The following PLD5 variants were observed in gnomAD, a reference collection of about 807,000 sequenced individuals.
The protein encoded by PLD5 is phospholipase D family member 5, also known as inactive phospholipase D5.
A neutral mutation model predicts 61.1 loss-of-function variants in PLD5; 36 were observed. The ratio of observed to expected loss-of-function variants is 0.59; its 90% CI spans 0.45 to 0.78. The LOEUF is 0.78. Among genes scored for constraint, PLD5 ranks in the 30% least tolerant of loss-of-function variants. PLD5 has a pLI of 0.00. For missense variants in PLD5, 515 were observed against 644.4 expected, an observed-to-expected ratio of 0.80 and a Z score of 2.17; for synonymous variants, 243 against 242.8, an observed-to-expected ratio of 1.00 and a Z score of -0.01.
intron 4 of PLD5, among the ~76,000 whole-genome samples, chr1:242,237,549 G>T (rs1671720181): frequency 6.6e-6 from 1 of 152,192 alleles, no homozygotes; most frequent in South Asian, 2.1e-4. Flanking sequence ...TTTTCAACTG[G>T]TGCATGGTGG....
At chr1:242,336,896 G>T (rs769513947) in intron 2 of PLD5, among the ~76,000 whole-genome samples, 7 of 152,144 alleles carry the variant, frequency 4.6e-5, no homozygotes, top group Non-Finnish European at 1.0e-4. Context: ...TGACCTATAC[G>T]TTTCTCTGTT....
At chr1:242,277,440 C>T (rs1230986554) in intron 3 of PLD5, among the ~76,000 whole-genome samples, 1 of 116,752 alleles carries the variant, frequency 8.6e-6, no homozygotes, top group African/African-American at 3.0e-5. Flanking sequence ...CCTATCCTTA[C>T]ATTTTGAGAA....
At chr1:242,108,921 C>G (rs1661272393) in intron 7 of PLD5, among the ~76,000 whole-genome samples, 1 of 152,188 alleles carries the variant, frequency 6.6e-6, no homozygotes, top group African/African-American at 2.4e-5. Context: ...CTCCTGTCTC[C>G]CTTGCCTGCC....
chr1:242,288,128 C>G lies in PLD5; in HGVS notation c.495+234G>C, dbSNP rs190755951. Among the ~76,000 whole-genome samples the G allele has an allele frequency of 5.6e-4, 85 of 152,350 alleles. 1 individual carries two copies. The highest frequency in any genetic ancestry group is 7.3e-5 in the Non-Finnish European group (5 of 68,032). The stretch of plus-strand genomic sequence containing the variant: ...ACAGCAATTCTGTATAAAGAGCCGA[C>G]TGTAGGCAAAGATGAAACATAATTT... On this transcript the variant is annotated intron_variant, in intron 3 of 9. Transcript: ENST00000536534.
chr1:242,128,428 G>A (rs1056649707), intron 5 of PLD5, among the ~76,000 whole-genome samples: 2 of 152,164 alleles, frequency 1.3e-5, no homozygotes, highest in Non-Finnish European at 2.9e-5. Context: ...CAGATGAAAG[G>A]CAAAGGCAGT....
intron 1 of PLD5, among the ~76,000 whole-genome samples, chr1:242,515,190 T>C (rs1669063600): frequency 1.3e-5 from 2 of 150,756 alleles, no homozygotes; most frequent in Admixed American, 1.3e-4. Flanking sequence ...AGCTTTGCCT[T>C]TGTGTGTGCG....
intron 5 of PLD5, among the ~76,000 whole-genome samples, chr1:242,204,243 CA>C (rs36058585): frequency 0.044 from 5,656 of 128,032 alleles, 265 homozygotes; most frequent in African/African-American, 0.12. Context: ...ACTCTTGTCT[CA>C]AAAAAAAAAA....
intron 3 of PLD5, among the ~76,000 whole-genome samples, chr1:242,275,880 T>C (rs889430411): frequency 6.6e-6 from 1 of 152,128 alleles, no homozygotes; most frequent in Non-Finnish European, 1.5e-5. Flanking sequence ...TGGAAGACAA[T>C]GTGGACCCTC....
At chr1:242,238,404 G>A (rs1671777625) in intron 4 of PLD5, among the ~76,000 whole-genome samples, 1 of 152,164 alleles carries the variant, frequency 6.6e-6, no homozygotes, top group African/African-American at 2.4e-5. Context: ...TTGGCTGCAG[G>A]AGCATCTTGC....
At chr1:242,123,495 C>T (rs889973712) in intron 6 of PLD5, among the ~76,000 whole-genome samples, 5 of 152,050 alleles carry the variant, frequency 3.3e-5, no homozygotes, top group Admixed American at 6.6e-5. Flanking sequence ...CATTCACACT[C>T]GCTTACACTG....
At chr1:242,306,449 C>T (rs1422160896) in intron 2 of PLD5, among the ~76,000 whole-genome samples, 21 of 152,140 alleles carry the variant, frequency 1.4e-4, no homozygotes, top group Non-Finnish European at 5.9e-5. Flanking sequence ...ACACGGATAT[C>T]CCTTGACTGA....
At chr1:242,387,510 G>A (rs1407242676) in intron 1 of PLD5, among the ~76,000 whole-genome samples, 1 of 151,890 alleles carries the variant, frequency 6.6e-6, no homozygotes, top group Non-Finnish European at 1.5e-5. Flanking sequence ...AAGATTGGAG[G>A]GATACCTACA....
intron 2 of PLD5, among the ~76,000 whole-genome samples, chr1:242,318,509 A>G (rs903504874): frequency 3.3e-5 from 5 of 152,294 alleles, no homozygotes; most frequent in Admixed American, 6.5e-5. Flanking sequence ...CGTTAGGCCA[A>G]CTGGTTTCTT....
At chr1:242,405,946 G>A (rs973306160) in intron 1 of PLD5, among the ~76,000 whole-genome samples, 2 of 151,994 alleles carry the variant, frequency 1.3e-5, no homozygotes, top group African/African-American at 4.8e-5. Flanking sequence ...CAATTTTACA[G>A]TTTCACATGA....
At chr1:242,211,743 C>T (rs1558349265) in intron 5 of PLD5, among the ~76,000 whole-genome samples, 2 of 152,176 alleles carry the variant, frequency 1.3e-5, no homozygotes, top group African/African-American at 4.8e-5. Context: ...GAAAAAGGAA[C>T]TGCACAGTCA....
At chr1:242,166,104 G>C (rs1383461219) in intron 5 of PLD5, among the ~76,000 whole-genome samples, 1 of 152,208 alleles carries the variant, frequency 6.6e-6, no homozygotes, top group East Asian at 1.9e-4. Flanking sequence ...AGAACCAGGG[G>C]CTATCCCAGG....
intron 1 of PLD5, among the ~76,000 whole-genome samples, chr1:242,434,428 T>C (rs1449710480): frequency 6.6e-6 from 1 of 152,132 alleles, no homozygotes; most frequent in Non-Finnish European, 1.5e-5. Flanking sequence ...GTGGGTTTGA[T>C]ATGCCTAGCA....
chr1:242,129,150 G>T (rs937552345), intron 5 of PLD5, among the ~76,000 whole-genome samples: 1 of 152,076 alleles, frequency 6.6e-6, no homozygotes, highest in Non-Finnish European at 1.5e-5. Flanking sequence ...GATTTTCTCC[G>T]ATTTTTAATA....
chr1:242,190,922 T>C (rs1668232353), intron 5 of PLD5, among the ~76,000 whole-genome samples: 1 of 152,138 alleles, frequency 6.6e-6, no homozygotes. Flanking sequence ...TTGGATCTGG[T>C]TTCACTTGTA....
Sources: allele counts gnomAD v4.1 joint callset (sites outside exome capture counted in the v4.1 genomes callset), GRCh38; gene constraint gnomAD v4.1.1; transcripts MANE v1.5; gene names NCBI Gene and HGNC (gene_info 2026-07-23, HGNC 2026-07-21).